GYPC: variants seen among roughly 807,000 people sequenced by gnomAD.
The protein encoded by GYPC is glycophorin-C.
Under a neutral mutation model 12.6 loss-of-function variants are expected in GYPC, and 14 were observed. The ratio of observed to expected loss-of-function variants is 1.11; its 90% CI spans 0.74 to 1.74. GYPC has a LOEUF of 1.74. Ranked by LOEUF, GYPC falls within the 40% of genes most tolerant of loss-of-function variation. The pLI is 0.00. For synonymous variants in GYPC, 78 were observed against 62.1 expected (o/e 1.26, Z -1.20); for missense variants, 225 against 172.1 (o/e 1.31, Z -1.72).
intron 1 of GYPC, chr2:126,686,641 G>C (rs965060929): frequency 7.1e-6 from 7 of 984,694 alleles, no homozygotes; most frequent in African/African-American, 1.8e-5. Flanking sequence ...GGAGCTTCCT[G>C]TCTGGTAGGG....
At chr2:126,669,551 CT>C (rs1682782623) in intron 1 of GYPC, among the ~76,000 whole-genome samples, 1 of 152,182 alleles carries the variant, frequency 6.6e-6, no homozygotes, top group Admixed American at 6.5e-5. Flanking sequence ...TATATCAGGC[CT>C]TGGTAATTCG....
chr2:126,685,405 G>A (rs1683257702), intron 1 of GYPC, among the ~76,000 whole-genome samples: 1 of 147,394 alleles, frequency 6.8e-6, no homozygotes, highest in South Asian at 2.1e-4. Context: ...TTTTTTTTGA[G>A]AGGGATTCTC....
intron 1 of GYPC, among the ~76,000 whole-genome samples, chr2:126,675,454 T>C (rs1036612889): frequency 3.3e-5 from 5 of 152,140 alleles, no homozygotes; most frequent in Admixed American, 6.5e-5. Flanking sequence ...AAACCCCAAA[T>C]TCTCAGACCG....
chr2:126,682,670 C>A (rs1043904535), intron 1 of GYPC, among the ~76,000 whole-genome samples: 1 of 152,220 alleles, frequency 6.6e-6, no homozygotes, highest in East Asian at 1.9e-4. Context: ...GTGGGGGCTG[C>A]CCTGCTAGTG....
chr2:126,681,181 T>C (rs1452235180), intron 1 of GYPC, among the ~76,000 whole-genome samples: 1 of 152,218 alleles, frequency 6.6e-6, no homozygotes, highest in Non-Finnish European at 1.5e-5. Flanking sequence ...ATTTGAAGCG[T>C]ATTTCTTTTC....
chr2:126,661,027 A>G (rs1682520003), intron 1 of GYPC, among the ~76,000 whole-genome samples: 1 of 151,982 alleles, frequency 6.6e-6, no homozygotes, highest in Non-Finnish European at 1.5e-5. Flanking sequence ...ATACATTTTC[A>G]TTTTTCTACA....
intron 1 of GYPC, among the ~76,000 whole-genome samples, chr2:126,671,851 G>A (rs1484945050): frequency 1.3e-5 from 2 of 152,240 alleles, no homozygotes; most frequent in Non-Finnish European, 2.9e-5. Flanking sequence ...AAGCCGGGAA[G>A]GGAGATGGAA....
intron 1 of GYPC, among the ~76,000 whole-genome samples, chr2:126,681,426 G>C (rs1407187773): frequency 6.6e-6 from 1 of 152,100 alleles, no homozygotes; most frequent in Non-Finnish European, 1.5e-5. Flanking sequence ...ATTTTAGACT[G>C]CATTACCATC....
At chr2:126,685,088 G>A (rs527654962) in intron 1 of GYPC, among the ~76,000 whole-genome samples, 11 of 152,280 alleles carry the variant, frequency 7.2e-5, no homozygotes, top group East Asian at 3.9e-4. Flanking sequence ...TGTACACTGC[G>A]TCTTTTCCGG....
chr2:126,694,404 G>A (rs536961818), intron 3 of GYPC, among the ~76,000 whole-genome samples: 5 of 152,266 alleles, frequency 3.3e-5, no homozygotes, highest in Middle Eastern at 3.4e-3. Context: ...GGCTCCCCAT[G>A]GGTCATGGCT....
chr2:126,683,138 C>A (rs566882406), intron 1 of GYPC, among the ~76,000 whole-genome samples: 1 of 151,982 alleles, frequency 6.6e-6, no homozygotes, highest in Non-Finnish European at 1.5e-5. Flanking sequence ...GGCAACATGG[C>A]GAAAAACCCA....
At chr2:126,664,751 G>T (rs1682631514) in intron 1 of GYPC, among the ~76,000 whole-genome samples, 2 of 152,212 alleles carry the variant, frequency 1.3e-5, no homozygotes, top group Non-Finnish European at 2.9e-5. Flanking sequence ...TGCTCTCCCT[G>T]CCTGAATCTG....
At chr2:126,681,346 G>C (rs536642962) in intron 1 of GYPC, among the ~76,000 whole-genome samples, 1 of 152,160 alleles carries the variant, frequency 6.6e-6, no homozygotes, top group Non-Finnish European at 1.5e-5. Flanking sequence ...GGTCATATGG[G>C]GGTATCATAA....
At chr2:126,683,333 TA>T (rs1683200062) in intron 1 of GYPC, among the ~76,000 whole-genome samples, 1 of 151,572 alleles carries the variant, frequency 6.6e-6, no homozygotes, top group Non-Finnish European at 1.5e-5. Flanking sequence ...AAAAAAAGGA[TA>T]TTTGCTGCTT....
chr2:126,665,620 T>A (rs1368072406), intron 1 of GYPC, among the ~76,000 whole-genome samples: 1 of 152,178 alleles, frequency 6.6e-6, no homozygotes, highest in African/African-American at 2.4e-5. Context: ...GGAGACCCTC[T>A]GGGTGCATTG....
Position 126,693,873 on chromosome 2 carries a change from C to T in GYPC, c.116C>T (p.Pro39Leu). 1.9e-6 allele frequency: 3 copies of T among 1,608,632 alleles called. No individual in the cohort carries two copies. The highest frequency in any genetic ancestry group is 1.1e-5 in the South Asian group (1 of 90,974). ...MHTTTIAEPD[P>L]GMSGWPDGRM... ...TGTCCTCTGTTCACAGAGCCTGATCCAGGGATGTCTGGATGGCCGGATGGC... is the reference window on the plus strand; with the variant it reads ...TGTCCTCTGTTCACAGAGCCTGATCTAGGGATGTCTGGATGGCCGGATGGC... The change falls in exon 3 of 4, where the codon CCA becomes CTA. Residue 39 changes from proline to leucine, a missense_variant. By Grantham distance (98) the Pro-to-Leu change is moderately conservative. Transcript: ENST00000259254.
intron 1 of GYPC, chr2:126,686,618 A>C (rs1441508612): frequency 6.1e-6 from 6 of 982,414 alleles, no homozygotes; most frequent in Non-Finnish European, 3.6e-6. Flanking sequence ...GAGCAAGACA[A>C]GCCTGAACGT....
rs138185166 is a variant in GYPC at position 126,656,716 on chromosome 2, G to A, written c.49+404G>A. On this transcript the variant is annotated intron_variant, in intron 1 of 3. Coordinates refer to ENST00000259254, the MANE Select transcript of GYPC (RefSeq NM_002101.5). ...CTGTGCTGCTCCCCAGCCAGGGTCCGACCGGCCAGGCTCCGGTGAACTCCA... is the reference window on the plus strand; with the variant it reads ...CTGTGCTGCTCCCCAGCCAGGGTCCAACCGGCCAGGCTCCGGTGAACTCCA... Among the ~76,000 whole-genome samples the A allele has an allele frequency of 9.1e-4, 139 of 152,340 alleles. 1 individual carries two copies. The highest frequency in any genetic ancestry group is 1.6e-3 in the Non-Finnish European group (108 of 68,020).
chr2:126,679,962 C>T (rs547338085), intron 1 of GYPC: 3 of 152,298 alleles, frequency 2.0e-5, no homozygotes, highest in Admixed American at 2.0e-4. Context: ...GGGCCAAATG[C>T]AACCTGTGGC....
Sources: allele counts gnomAD v4.1 joint callset (sites outside exome capture counted in the v4.1 genomes callset), GRCh38; gene constraint gnomAD v4.1.1; transcripts MANE v1.5; gene names NCBI Gene and HGNC (gene_info 2026-07-23, HGNC 2026-07-21).